The following VPS54 variants were observed in gnomAD, a reference collection of about 807,000 sequenced individuals.
VPS54 encodes the protein vacuolar protein sorting-associated protein 54.
In VPS54, 45 loss-of-function variants were observed where a neutral mutation model predicts 121.5. The ratio of observed to expected loss-of-function variants is 0.37; its 90% CI spans 0.29 to 0.47. The LOEUF (loss-of-function observed/expected upper bound fraction) is 0.47, where lower values mean the gene tolerates loss of function less well. Ranked by LOEUF, VPS54 falls within the 20% of genes least tolerant of loss-of-function variation. The pLI is 0.99. For missense variants in VPS54, 1,090 were observed against 1,131.4 expected (o/e 0.96, Z 0.52); for synonymous variants, 371 against 385.8 (o/e 0.96, Z 0.45).
At chr2:64,018,306 C>A (rs1678805053) in intron 1 of VPS54, among the ~76,000 whole-genome samples, 1 of 152,126 alleles carries the variant, frequency 6.6e-6, no homozygotes, top group South Asian at 2.1e-4. Flanking sequence ...ATCTTGAACT[C>A]AACACATGAA....
At chr2:63,976,350 C>CA (rs371137546) in intron 3 of VPS54, among the ~76,000 whole-genome samples, 9,161 of 93,164 alleles carry the variant, frequency 0.098, 429 homozygotes, top group African/African-American at 0.16. Flanking sequence ...GACCTTGTCT[C>CA]AAAAAAAAAA....
Position 63,915,211 on chromosome 2 carries a change from T to C in VPS54, c.2229-924A>G, listed in dbSNP as rs999189303. 1.5e-4 allele frequency among the ~76,000 whole-genome samples: 19 copies of C among 127,566 alleles called. 1 individual carries two copies. Among genetic ancestry groups the C allele is most frequent in the South Asian group, 1.1e-3 (4 of 3,596 alleles). The allele number at this position is 127,566 out of a possible 152,430, so 83.7% of individuals were successfully genotyped here. A position where few individuals can be genotyped will look rare whatever the true frequency, so the allele number is the denominator to read the frequency against. ...GAAGATGATAAAGTTATCACCTCCA[T>C]AGAAGGACAAATCACACGTTAAAAA... is the stretch of plus-strand genomic sequence containing the variant. On this transcript the variant is annotated intron_variant, in intron 16 of 22. Coordinates refer to ENST00000272322, the MANE Select transcript of VPS54 (RefSeq NM_016516.3).
At chr2:63,939,432 T>G (rs1171399603) in intron 11 of VPS54, among the ~76,000 whole-genome samples, 2 of 152,050 alleles carry the variant, frequency 1.3e-5, no homozygotes, top group Non-Finnish European at 2.9e-5. Context: ...TTGGATATCC[T>G]TTGTCTTTGA....
intron 3 of VPS54, among the ~76,000 whole-genome samples, chr2:63,979,731 C>A (rs1316430863): frequency 6.6e-6 from 1 of 152,152 alleles, no homozygotes; most frequent in Non-Finnish European, 1.5e-5. Context: ...TCTTCTTTGA[C>A]TCACATTTTA....
At chr2:63,916,800 A>G (rs1673399106) in intron 16 of VPS54, 100 bp downstream of exon 16, 2 of 1,172,792 alleles carry the variant, frequency 1.7e-6, no homozygotes, top group Admixed American at 1.9e-5. Context: ...AACACTGTTA[A>G]AACTGTTAAT....
At position 63,892,717 on chromosome 2, in the gene VPS54, A is replaced by AGAT. The variant is rs1474608649; in HGVS notation, c.*710_*712dup. ...CTGAAAAGTATTTAGTTGCATAAAT[A>AGAT]GATGCCAGGATCTTTTTTTTTAAGT... On this transcript the variant is annotated 3_prime_UTR_variant, in exon 23 of 23. Transcript: ENST00000272322. The AGAT allele has an allele frequency of 3.4e-5, 4 of 118,052 alleles. No homozygotes were observed. Among genetic ancestry groups the AGAT allele is most frequent in the Non-Finnish European group, 5.3e-5 (3 of 56,620 alleles). 7.3% of individuals were successfully genotyped at this position (118,052 alleles called of 1,614,324 possible).
At position 63,995,843 on chromosome 2, in the gene VPS54, T is replaced by C. The variant is rs892301156; in HGVS notation, c.-20-11824A>G. 9.2e-5 allele frequency among the ~76,000 whole-genome samples: 14 copies of C among 152,228 alleles called. No individual in the cohort carries two copies. The East Asian group carries it at 1.2e-3, about 13-fold the overall frequency. ...TCTGGGTAGGGAAGATAATTTATCA[T>C]TGGACATGACTAAATTAAATAAACA... On this transcript the variant is annotated intron_variant, in intron 1 of 22. Coordinates refer to ENST00000272322, the MANE Select transcript of VPS54 (RefSeq NM_016516.3).
In VPS54 at chr2:63,899,570, C is replaced by G. The variant is rs1164201861; in HGVS notation, c.2637G>C (p.Lys879Asn). The G allele has an allele frequency of 1.2e-6, 2 of 1,613,144 alleles. No homozygotes were observed. Among genetic ancestry groups the G allele is most frequent in the Non-Finnish European group, 1.7e-6 (2 of 1,179,756 alleles). The change falls in exon 21 of 23, where the codon AAG (lysine) becomes AAC (asparagine). Residue 879 changes from lysine (K) to asparagine (N), a missense_variant. Transcript: ENST00000272322. ...FDKLLSKYEV[K>N]APVPSACFRN... is the part of the protein sequence containing the mutation. ...TGAAACAGGCAGAAGGAACAGGAGC[C>G]TTCACTTCATACTGGTAGGAAAAAA...
chr2:63,926,091 A>T (rs1215944753), intron 12 of VPS54, among the ~76,000 whole-genome samples: 2 of 152,218 alleles, frequency 1.3e-5, no homozygotes, highest in Non-Finnish European at 2.9e-5. Context: ...TTAACAAGCA[A>T]AACAAAGTAA....
intron 7 of VPS54, among the ~76,000 whole-genome samples, chr2:63,952,152 G>A (rs767345682): frequency 1.8e-4 from 28 of 152,192 alleles, no homozygotes; most frequent in Non-Finnish European, 3.2e-4. Context: ...GTGCAACATC[G>A]CTTAAGTCAT....
chr2:64,007,259 C>T (rs1395442970), intron 1 of VPS54, among the ~76,000 whole-genome samples: 2 of 152,056 alleles, frequency 1.3e-5, no homozygotes, highest in Non-Finnish European at 2.9e-5. Context: ...ACATAAGCAA[C>T]TTTGATGACA....
intron 3 of VPS54, among the ~76,000 whole-genome samples, chr2:63,980,936 G>T (rs78113534): frequency 0.039 from 5,895 of 151,768 alleles, 205 homozygotes; most frequent in African/African-American, 0.095. Flanking sequence ...TATTTGATAG[G>T]AATAAAAATG....
chr2:63,932,538 G>A (rs1674260094), intron 12 of VPS54, among the ~76,000 whole-genome samples: 1 of 151,900 alleles, frequency 6.6e-6, no homozygotes, highest in Non-Finnish European at 1.5e-5. Context: ...GATAACATTA[G>A]GAGAAATACC....
At position 63,942,389 on chromosome 2, in the gene VPS54, T is replaced by C. The variant is rs193044020; in HGVS notation, c.1398+76A>G. The stretch of plus-strand genomic sequence containing the variant: ...ACTGTGTTTTATTCTAGTTTGAGTC[T>C]TTATTTACATATTATGTATCTAGAA... On this transcript the variant is annotated intron_variant, in intron 11 of 22. Coordinates refer to ENST00000272322, the MANE Select transcript of VPS54 (RefSeq NM_016516.3). 960 of 1,009,424 alleles carry C rather than the reference T, an allele frequency of 9.5e-4. 2 individuals carry two copies. Among genetic ancestry groups the C allele is most frequent in the Middle Eastern group, 8.2e-3 (27 of 3,304 alleles). 62.5% of individuals were successfully genotyped at this position (1,009,424 alleles called of 1,614,324 possible).
At chr2:63,909,115 A>C (rs1311949250) in intron 20 of VPS54, among the ~76,000 whole-genome samples, 1 of 152,176 alleles carries the variant, frequency 6.6e-6, no homozygotes, top group Non-Finnish European at 1.5e-5. Flanking sequence ...CATCTCTTCC[A>C]AAGCCTTAAA....
At chr2:63,896,111 T>C (rs766866836) in intron 22 of VPS54, among the ~76,000 whole-genome samples, 9 of 152,222 alleles carry the variant, frequency 5.9e-5, no homozygotes, top group African/African-American at 9.6e-5. Flanking sequence ...TATGTACCAT[T>C]TGTATCATCT....
At chr2:64,013,465 A>G (rs1034691775) in intron 1 of VPS54, among the ~76,000 whole-genome samples, 10 of 151,686 alleles carry the variant, frequency 6.6e-5, no homozygotes, top group African/African-American at 2.4e-4. Flanking sequence ...TTGAGGGGGG[A>G]AAAAGCTATA....
intron 1 of VPS54, among the ~76,000 whole-genome samples, chr2:63,994,341 G>A (rs1456678422): frequency 6.6e-6 from 1 of 152,038 alleles, no homozygotes; most frequent in Non-Finnish European, 1.5e-5. Context: ...TGTCTCACCA[G>A]TTTCCTTTCA....
chr2:63,986,290 C>T (rs527421547), intron 1 of VPS54, among the ~76,000 whole-genome samples: 5 of 152,264 alleles, frequency 3.3e-5, no homozygotes, highest in African/African-American at 1.2e-4. Context: ...CCACACTTAT[C>T]CTTCCAGGCC....
Sources: allele counts gnomAD v4.1 joint callset (sites outside exome capture counted in the v4.1 genomes callset), GRCh38; gene constraint gnomAD v4.1.1; transcripts MANE v1.5; gene names NCBI Gene and HGNC (gene_info 2026-07-23, HGNC 2026-07-21).